The following FAM228B variants were observed in gnomAD, a reference collection of about 807,000 sequenced individuals.
FAM228B encodes the protein protein FAM228B.
FAM228B carries 38 observed loss-of-function variants against 42.6 expected under a neutral mutation model. The observed-to-expected ratio is 0.89, with a 90% CI of 0.69 to 1.17. The LOEUF (loss-of-function observed/expected upper bound fraction) is 1.17, where lower values mean the gene tolerates loss of function less well. Ranked by LOEUF, FAM228B falls within the 50% of genes most tolerant of loss-of-function variation. The probability of loss-of-function intolerance (pLI) is 0.00; values close to 1 mark genes in which losing one functional copy is unlikely to be tolerated. For missense variants in FAM228B, 344 were observed against 367.3 expected, an observed-to-expected ratio of 0.94 and a Z score of 0.52; for synonymous variants, 109 against 122.3, an observed-to-expected ratio of 0.89 and a Z score of 0.72.
At chr2:24,162,447 C>T (rs903837852) in intron 8 of FAM228B, among the ~76,000 whole-genome samples, 1 of 152,168 alleles carries the variant, frequency 6.6e-6, no homozygotes, top group Non-Finnish European at 1.5e-5. Context: ...GGTTAAAAGT[C>T]GTGCTGCCCC....
In FAM228B at chr2:24,084,080, C is replaced by T; in HGVS notation, c.-210+3125C>T. 7.0e-7 allele frequency: 1 copy of T among 1,438,624 alleles called. No homozygotes were observed. Among genetic ancestry groups the T allele is most frequent in the South Asian group, 1.4e-5 (1 of 70,164 alleles). The allele number at this position is 1,438,624 out of a possible 1,614,324, so 89.1% of individuals were successfully genotyped here. ...TGGGAAGCCCCAGCGCAGCTGCCTG[C>T]TGGGTGTGGAGCGGTGCACGCCTTC... On this transcript the variant is annotated intron_variant, in intron 2 of 10. Transcript: ENST00000613899. This position sits in a 1 kb window ranked among gnomAD's most constrained non-coding sequence, Gnocchi z 8.4.
At chr2:24,134,452 TA>T (rs1666530842) in intron 2 of FAM228B, among the ~76,000 whole-genome samples, 1 of 152,210 alleles carries the variant, frequency 6.6e-6, no homozygotes, top group African/African-American at 2.4e-5. Context: ...ATGTCTTGCA[TA>T]GTCAAAAAGC....
chr2:24,166,377 C>T (rs949191589), intron 9 of FAM228B: 1 of 152,098 alleles, frequency 6.6e-6, no homozygotes, highest in African/African-American at 2.4e-5. Flanking sequence ...CTCTCCATTT[C>T]CCCACTCCTA....
chr2:24,103,089 T>C (rs1665637562), intron 3 of FAM228B, among the ~76,000 whole-genome samples: 1 of 152,228 alleles, frequency 6.6e-6, no homozygotes, highest in African/African-American at 2.4e-5. Flanking sequence ...CCTTCACATA[T>C]GATGCATTTT....
At chr2:24,105,785 G>A (rs558274320) in intron 3 of FAM228B, among the ~76,000 whole-genome samples, 2 of 152,282 alleles carry the variant, frequency 1.3e-5, no homozygotes, top group South Asian at 2.1e-4. Flanking sequence ...ATCTGATACA[G>A]CTGAAAAACA....
At chr2:24,117,549 T>C (rs1450893661) in intron 3 of FAM228B, among the ~76,000 whole-genome samples, 2 of 151,990 alleles carry the variant, frequency 1.3e-5, no homozygotes, top group Admixed American at 6.6e-5. Flanking sequence ...TTCAGGTGAT[T>C]CTCCTGCCTC....
Position 24,129,675 on chromosome 2 carries a change from T to TA in FAM228B, c.99+5216dup, listed in dbSNP as rs199961208. On this transcript the variant is annotated intron_variant, in intron 2 of 10. Coordinates refer to ENST00000615575, the MANE Select transcript of FAM228B (RefSeq NM_001145710.2). ...GAACTGTATTTTCCACTTGGTTTTT[T>TA]ATCATTTCTATTCTCTGCTAAGATT... 6.6e-3 allele frequency among the ~76,000 whole-genome samples: 1,001 copies of TA among 152,340 alleles called. 6 individuals are homozygous for TA. The highest frequency in any genetic ancestry group is 0.023 in the African/African-American group (950 of 41,580).
intron 2 of FAM228B, among the ~76,000 whole-genome samples, chr2:24,127,331 T>A (rs1417202408): frequency 6.6e-6 from 1 of 152,260 alleles, no homozygotes; most frequent in Admixed American, 6.5e-5. Flanking sequence ...ACATTTTGTT[T>A]ATCCCTTCAT....
Position 24,167,661 on chromosome 2 carries a change from G to T in FAM228B, c.967G>T (p.Glu323Ter). 1 of 1,551,604 alleles carries T rather than the reference G, an allele frequency of 6.4e-7. No individual in the cohort carries two copies. Among genetic ancestry groups the T allele is most frequent in the Non-Finnish European group, 8.7e-7 (1 of 1,146,896 alleles). Residue 323 changes from glutamate (E) to a stop codon, truncating the protein, a stop_gained, in exon 10 of 11, where the codon GAG becomes TAG. Coordinates refer to ENST00000615575, the MANE Select transcript of FAM228B (RefSeq NM_001145710.2). LOFTEE classifies it high-confidence loss of function. ...CCCGCGTTTGGGGCTGCTGAAGCTGGAGCTATAAGAAAGAAGAGGGAGGTA... is the reference window on the plus strand; with the variant it reads ...CCCGCGTTTGGGGCTGCTGAAGCTGTAGCTATAAGAAAGAAGAGGGAGGTA... ...PSPRLGLLKL[E>*]L
At position 24,098,474 on chromosome 2, in the gene FAM228B, C is replaced by G. The variant is rs1399868248; in HGVS notation, c.-121+3245C>G. ...TATCACCACCAATCCCACAGAAATA[C>G]AAACTACCATCAGAGAATACTATAA... On this transcript the variant is annotated intron_variant, in intron 3 of 10. Transcript: ENST00000613899. Among the ~76,000 whole-genome samples, 4 of 152,154 alleles carry G rather than the reference C, an allele frequency of 2.6e-5. No homozygotes were observed. In the East Asian group the frequency reaches 7.7e-4, roughly 29 times the overall value.
intron 2 of FAM228B, among the ~76,000 whole-genome samples, chr2:24,090,899 A>C (rs1005611192): frequency 1.3e-5 from 2 of 152,090 alleles, no homozygotes; most frequent in African/African-American, 4.8e-5. Context: ...TGAACCTCCC[A>C]CCTCAGCCTC....
intron 3 of FAM228B, among the ~76,000 whole-genome samples, chr2:24,098,747 A>G (rs1336017989): frequency 1.3e-5 from 2 of 152,242 alleles, no homozygotes; most frequent in Non-Finnish European, 2.9e-5. Context: ...ATTCCAATCA[A>G]TAGAAAAAGA....
chr2:24,103,884 C>T (rs748250562), intron 3 of FAM228B, among the ~76,000 whole-genome samples: 2 of 152,206 alleles, frequency 1.3e-5, no homozygotes, highest in African/African-American at 4.8e-5. Flanking sequence ...CCAAAATCTA[C>T]AGGCAAATCT....
chr2:24,077,790 C>T lies in FAM228B; in HGVS notation c.-290+821C>T. 1 of 1,596,380 alleles carries T rather than the reference C, an allele frequency of 6.3e-7. No homozygotes were observed. The highest frequency in any genetic ancestry group is 1.3e-5 in the African/African-American group (1 of 74,770). ...AGACAAGGGAAAGGAGATCATCAGC[C>T]TGGGGAGAGAGCCTCACCCTGCCCT... is the stretch of plus-strand genomic sequence containing the variant. On this transcript the variant is annotated intron_variant, in intron 1 of 10. Coordinates refer to the FAM228B transcript ENST00000613899. This position sits in a 1 kb window ranked among gnomAD's most constrained non-coding sequence, Gnocchi z 5.5.
At chr2:24,139,639 G>A (rs1261023044) in intron 5 of FAM228B, among the ~76,000 whole-genome samples, 189 bp downstream of exon 5, 1 of 151,958 alleles carries the variant, frequency 6.6e-6, no homozygotes, top group African/African-American at 2.4e-5. Context: ...CCATAAAAGT[G>A]GAAAATACTG....
intron 7 of FAM228B, among the ~76,000 whole-genome samples, chr2:24,160,174 G>C (rs1295892538): frequency 6.6e-6 from 1 of 151,998 alleles, no homozygotes; most frequent in Non-Finnish European, 1.5e-5. Context: ...ATTTTTAGTA[G>C]AGATGAGGTT....
At chr2:24,137,837 T>G in intron 3 of FAM228B, 72 bp from the exon 4 acceptor site, 1 of 1,106,346 alleles carries the variant, frequency 9.0e-7, no homozygotes, top group East Asian at 2.6e-5. Flanking sequence ...TTATGAAGTT[T>G]AAGTTTTGGA....
chr2:24,166,112 G>C (rs1667406064), intron 9 of FAM228B: 1 of 144,536 alleles, frequency 6.9e-6, no homozygotes, highest in South Asian at 2.2e-4. Context: ...GATAGATATA[G>C]GTGTTTACAG....
At chr2:24,136,050 C>CTTT (rs1321416701) in intron 3 of FAM228B, among the ~76,000 whole-genome samples, 14 of 70,660 alleles carry the variant, frequency 2.0e-4, no homozygotes, top group Non-Finnish European at 2.9e-4. Flanking sequence ...CTGGATAACC[C>CTTT]TTCTTTTTTT....
Sources: gnomAD v4.1 joint callset for allele counts (sites outside exome capture counted in the v4.1 genomes callset) on GRCh38, gnomAD v4.1.1 for gene constraint, Gnocchi (gnomAD v3.1) non-coding constraint, MANE v1.5 for transcripts, NCBI Gene and HGNC (gene_info 2026-07-23, HGNC 2026-07-21) for gene names.